The following ZNF208 variants were observed in gnomAD, a reference collection of about 807,000 sequenced individuals.
ZNF208 encodes the protein zinc finger protein 95.
In ZNF208, 10 loss-of-function variants were observed where a neutral mutation model predicts 12.1. That is an observed-to-expected ratio of 0.83 (90% CI 0.51 to 1.40). The LOEUF (loss-of-function observed/expected upper bound fraction) is 1.40. Among genes scored for constraint, ZNF208 ranks in the 40% most tolerant of loss-of-function variants. ZNF208 has a pLI of 0.00. For missense variants in ZNF208, 1,652 were observed against 1,485.0 expected (o/e 1.11, Z -1.85); for synonymous variants, 497 against 488.4 (o/e 1.02, Z -0.23).
intron 3 of ZNF208, among the ~76,000 whole-genome samples, chr19:21,983,637 TG>T (rs1283629534): frequency 6.6e-6 from 1 of 151,668 alleles, no homozygotes; most frequent in Non-Finnish European, 1.5e-5. Flanking sequence ...ATAAAGAAAA[TG>T]TGGCACATAT....
intron 1 of ZNF208, among the ~76,000 whole-genome samples, chr19:21,993,869 C>A (rs1024119318): frequency 2.6e-5 from 4 of 152,226 alleles, no homozygotes; most frequent in Admixed American, 6.5e-5. Flanking sequence ...AGTAAGTCTG[C>A]ATTTGGAAAA....
downstream of ZNF208, among the ~76,000 whole-genome samples, chr19:21,961,812 C>T (rs1159715875): frequency 1.3e-5 from 2 of 152,128 alleles, no homozygotes; most frequent in African/African-American, 2.4e-5. Context: ...TTCTGCCCTA[C>T]CCCACAGTCA....
chr19:22,004,121 G>T, intron 1 of ZNF208, among the ~76,000 whole-genome samples: 1 of 152,252 alleles, frequency 6.6e-6, no homozygotes, highest in South Asian at 2.1e-4. Context: ...TGAGGTTTCA[G>T]TGAGCCAAGA....
In ZNF208 at chr19:21,970,615, TC is replaced by T. The variant is rs1970260428; in HGVS notation, c.*575del. ...ACATTCTTCACATTTGTAGGGCTTC[TC>T]ACCAGTATGAATTCTCTTATGTTCC... On this transcript the variant is annotated 3_prime_UTR_variant, in exon 4 of 4. Transcript: ENST00000397126. 1 of 931,346 alleles carries T rather than the reference TC, an allele frequency of 1.1e-6. No homozygotes were observed. The allele number at this position is 931,346 out of a possible 1,614,324, so 57.7% of individuals were successfully genotyped here. A position where few individuals can be genotyped will look rare whatever the true frequency, so the allele number is the denominator to read the frequency against.
chr19:21,983,260 A>G (rs1328367758), intron 3 of ZNF208, among the ~76,000 whole-genome samples: 1 of 152,242 alleles, frequency 6.6e-6, no homozygotes, highest in Non-Finnish European at 1.5e-5. Context: ...AAAAAAGCAC[A>G]TCATCACTGG....
chr19:21,961,558 GT>G (rs1256598019), downstream of ZNF208, among the ~76,000 whole-genome samples: 267 of 152,138 alleles, frequency 1.8e-3, 1 homozygote, highest in African/African-American at 6.1e-3. Context: ...CCAGGGTGGG[GT>G]TTTTTTCCCC....
chr19:21,955,681 G>A (rs753813386), intron 4 of ZNF208, among the ~76,000 whole-genome samples: 25 of 152,192 alleles, frequency 1.6e-4, no homozygotes, highest in Admixed American at 5.2e-4. Flanking sequence ...AGCTTCATTA[G>A]GTCATTTAAG....
chr19:21,949,683 A>T (rs1429882106), intron 4 of ZNF208, among the ~76,000 whole-genome samples: 1 of 152,182 alleles, frequency 6.6e-6, no homozygotes, highest in Non-Finnish European at 1.5e-5. Context: ...TATGTATCAA[A>T]AAGGAAGTTA....
chr19:21,997,432 G>A (rs1465670565), intron 1 of ZNF208, among the ~76,000 whole-genome samples: 3 of 152,018 alleles, frequency 2.0e-5, no homozygotes, highest in East Asian at 1.9e-4. Flanking sequence ...GTGTTGATTC[G>A]GGTGCTATCT....
At chr19:21,993,934 A>G (rs911503255) in intron 1 of ZNF208, among the ~76,000 whole-genome samples, 1 of 152,240 alleles carries the variant, frequency 6.6e-6, no homozygotes, top group Non-Finnish European at 1.5e-5. Context: ...TATGTGCTCA[A>G]TAGGAAGTTA....
chr19:21,960,128 C>T (rs1849007), intron 4 of ZNF208, among the ~76,000 whole-genome samples: 58,570 of 151,828 alleles, frequency 0.39, 11,728 homozygotes, highest in East Asian at 0.5. Flanking sequence ...CACAAAGATT[C>T]AACTTTTATG....
At chr19:21,961,963 C>T (rs1167500461), downstream of ZNF208, among the ~76,000 whole-genome samples, 4 of 152,182 alleles carry the variant, frequency 2.6e-5, no homozygotes, top group African/African-American at 9.6e-5. Flanking sequence ...GACATACATC[C>T]TTAGCTTAGG....
chr19:21,988,106 G>A (rs1203796158), intron 2 of ZNF208, among the ~76,000 whole-genome samples: 1 of 152,022 alleles, frequency 6.6e-6, no homozygotes, highest in Non-Finnish European at 1.5e-5. Flanking sequence ...ATTAAAAATT[G>A]GTGGTTGCCA....
At chr19:21,957,718 G>A (rs1378047456) in intron 4 of ZNF208, among the ~76,000 whole-genome samples, 2 of 152,170 alleles carry the variant, frequency 1.3e-5, no homozygotes, top group East Asian at 3.8e-4. Context: ...GGCCTGTGGA[G>A]AGATAGTTAC....
In ZNF208 at chr19:21,971,257, G is replaced by C; in HGVS notation, c.3777C>G (p.Gly1259=). The C allele has an allele frequency of 1.2e-6, 2 of 1,611,032 alleles. No individual in the cohort carries two copies. The highest frequency in any genetic ancestry group is 1.7e-6 in the Non-Finnish European group (2 of 1,179,652). ...AGACTGATAACCAGCTGAAGGCTTT[G>C]CCACATTCTTCACATTTGTAGGGTT... ...GEKPYKCEEC[G]KAFSWLSVFS... is the part of the protein sequence containing the mutation. The change falls in exon 4 of 4, where the codon GGC becomes GGG. Residue 1259 remains glycine, a synonymous_variant. Coordinates refer to ENST00000397126, the MANE Select transcript of ZNF208 (RefSeq NM_007153.3).
In ZNF208 at chr19:21,971,625, C is replaced by T. The variant is rs1438635085; in HGVS notation, c.3409G>A (p.Gly1137Arg). 1.9e-6 allele frequency: 3 copies of T among 1,612,866 alleles called. No homozygotes were observed. The highest frequency in any genetic ancestry group is 2.5e-6 in the Non-Finnish European group (3 of 1,179,938). The part of the protein sequence containing the change: ...ILTKHKVIHT[G>R]EKPYKCEECG... ...TCTTCACATTTGTAGGGTTTCTCTC[C>T]AGTATGAATTACCTTATGTTTAGTA... The change falls in exon 4 of 4, where the codon GGA (glycine) becomes AGA (arginine). Residue 1137 changes from glycine to arginine, a missense_variant. By Grantham distance (125) the Gly-to-Arg change is moderately radical (BLOSUM62 -2). Coordinates refer to ENST00000397126, the MANE Select transcript of ZNF208 (RefSeq NM_007153.3).
At chr19:21,962,646 G>T (rs560177261), downstream of ZNF208, among the ~76,000 whole-genome samples, 1 of 152,014 alleles carries the variant, frequency 6.6e-6, no homozygotes, top group Non-Finnish European at 1.5e-5. Flanking sequence ...ACTTCCACTT[G>T]CTATTAGTCA....
rs781491710 is a variant in ZNF208, at chr19:21,971,446, G to A, written c.3588C>T (p.Leu1196=). ...KHKVIHTGEK[L]YKCEECGKAY... Reference sequence around the variant, plus strand: ...CTTTGCCACATTCTTCACATTTGTAGAGTTTCTCTCCAGTATGAATTACCT... The same window carrying A: ...CTTTGCCACATTCTTCACATTTGTAAAGTTTCTCTCCAGTATGAATTACCT... Residue 1196 remains leucine, a synonymous_variant, in exon 4 of 4, where the codon CTC becomes CTT. Transcript: ENST00000397126. 6.2e-7 allele frequency: 1 copy of A among 1,609,918 alleles called. No individual in the cohort carries two copies. Among genetic ancestry groups the A allele is most frequent in the African/African-American group, 1.3e-5 (1 of 74,672 alleles).
intron 1 of ZNF208, among the ~76,000 whole-genome samples, chr19:21,990,000 T>C (rs1467815331): frequency 1.3e-5 from 2 of 152,130 alleles, no homozygotes; most frequent in Non-Finnish European, 2.9e-5. Flanking sequence ...GTCAGATGAG[T>C]AGTTTGCGAA....
Sources: gnomAD v4.1 joint callset for allele counts (sites outside exome capture counted in the v4.1 genomes callset) on GRCh38, gnomAD v4.1.1 for gene constraint, MANE v1.5 for transcripts, NCBI Gene and HGNC (gene_info 2026-07-23, HGNC 2026-07-21) for gene names.